PARD3: variants seen among roughly 807,000 people sequenced by gnomAD.
PARD3 encodes the protein par-3 family cell polarity regulator, also known as partitioning defective 3 homolog.
A neutral mutation model predicts 155.4 loss-of-function variants in PARD3; 75 were observed. The ratio of observed to expected loss-of-function variants is 0.48; its 90% CI spans 0.40 to 0.58. The LOEUF (loss-of-function observed/expected upper bound fraction) is 0.58. Among genes scored for constraint, PARD3 ranks in the 20% least tolerant of loss-of-function variants. The probability of loss-of-function intolerance (pLI) is 0.00; values close to 1 mark genes in which losing one functional copy is unlikely to be tolerated. For synonymous variants in PARD3, 576 were observed against 610.5 expected, an observed-to-expected ratio of 0.94 and a Z score of 0.83; for missense variants, 1,642 against 1,721.7, an observed-to-expected ratio of 0.95 and a Z score of 0.82.
intron 2 of PARD3, among the ~76,000 whole-genome samples, chr10:34,674,579 CG>C (rs1425998308): frequency 6.6e-6 from 1 of 150,750 alleles, no homozygotes; most frequent in East Asian, 2.0e-4. Context: ...CTCCGTCTCC[CG>C]GGTTCAAGCG....
chr10:34,640,945 G>C (rs1022131243), intron 2 of PARD3, among the ~76,000 whole-genome samples: 1 of 151,962 alleles, frequency 6.6e-6, no homozygotes, highest in Admixed American at 6.6e-5. Context: ...ATCAAAAAAG[G>C]GTGGAATGAG....
At chr10:34,281,115 A>AG (rs1422248455) in intron 21 of PARD3, among the ~76,000 whole-genome samples, 2 of 151,278 alleles carry the variant, frequency 1.3e-5, no homozygotes, top group Non-Finnish European at 2.9e-5. Context: ...TTTGTATGGG[A>AG]GGCTAAGTAG....
At chr10:34,370,521 C>T (rs1840477761) in intron 12 of PARD3, among the ~76,000 whole-genome samples, 1 of 152,076 alleles carries the variant, frequency 6.6e-6, no homozygotes, top group African/African-American at 2.4e-5. Flanking sequence ...CTCAAGTGAT[C>T]CTCCCAAAGT....
intron 22 of PARD3, among the ~76,000 whole-genome samples, chr10:34,145,757 A>G (rs1246253889): frequency 1.3e-5 from 2 of 152,168 alleles, no homozygotes; most frequent in African/African-American, 4.8e-5. Context: ...AAAGAAAACA[A>G]ACAAACGTTG....
At chr10:34,279,163 T>TTC (rs1210842587) in intron 21 of PARD3, among the ~76,000 whole-genome samples, 1 of 148,126 alleles carries the variant, frequency 6.8e-6, no homozygotes, top group Non-Finnish European at 1.5e-5. Flanking sequence ...TTTTTTTTTT[T>TTC]AGAGACAAGC....
intron 22 of PARD3, among the ~76,000 whole-genome samples, chr10:34,187,008 A>G (rs1039265418): frequency 1.3e-5 from 2 of 152,176 alleles, no homozygotes; most frequent in African/African-American, 4.8e-5. Context: ...AATTGATAGT[A>G]TGAACTCACA....
chr10:34,469,323 C>T (rs1004922739), intron 4 of PARD3, among the ~76,000 whole-genome samples: 9 of 152,114 alleles, frequency 5.9e-5, no homozygotes, highest in South Asian at 2.1e-4. Flanking sequence ...GTTGGCCAGG[C>T]GGGCCTTGAC....
intron 2 of PARD3, among the ~76,000 whole-genome samples, chr10:34,550,721 A>C (rs2084480303): frequency 6.6e-6 from 1 of 152,354 alleles, no homozygotes; most frequent in Non-Finnish European, 1.5e-5. Flanking sequence ...CCAACCCAGA[A>C]AAAAAGAAAT....
chr10:34,771,231 G>T (rs540015661), intron 1 of PARD3, among the ~76,000 whole-genome samples: 117 of 152,232 alleles, frequency 7.7e-4, no homozygotes, highest in Non-Finnish European at 1.2e-3. Flanking sequence ...GATGCTAAAT[G>T]TGCTGGGCAC....
At chr10:34,518,531 A>G (rs955868620) in intron 2 of PARD3, among the ~76,000 whole-genome samples, 3 of 152,376 alleles carry the variant, frequency 2.0e-5, no homozygotes, top group East Asian at 1.9e-4. Context: ...AGGGGCTCCC[A>G]ATGGACAAAG....
intron 2 of PARD3, among the ~76,000 whole-genome samples, chr10:34,543,555 G>C (rs1015090523): frequency 2.0e-5 from 3 of 152,180 alleles, no homozygotes; most frequent in Admixed American, 6.5e-5. Flanking sequence ...CAGAGAGTGT[G>C]AAGAATGGAA....
chr10:34,605,958 ATATCTCCTATATC>A lies in PARD3; in HGVS notation c.223-88812_223-88800del, dbSNP rs1488446570. Among the ~76,000 whole-genome samples, 18 of 119,702 alleles carry A rather than the reference ATATCTCCTATATC, an allele frequency of 1.5e-4. 2 individuals are homozygous for A. Among genetic ancestry groups the A allele is most frequent in the South Asian group, 5.5e-4 (2 of 3,622 alleles). The allele number at this position is 119,702 out of a possible 152,430, so 78.5% of individuals were successfully genotyped here. Reference sequence around the variant, plus strand: ...ATATATATATATCTCCTATATATATATATCTCCTATATCTATATCTCCTATATATATATATCTC... The same window carrying A: ...ATATATATATATCTCCTATATATATATATATCTCCTATATATATATATCTC... On this transcript the variant is annotated intron_variant, in intron 2 of 24. Coordinates refer to ENST00000374788, the MANE Select transcript of PARD3 (RefSeq NM_001184785.2).
intron 9 of PARD3, among the ~76,000 whole-genome samples, chr10:34,378,426 G>A (rs773470885): frequency 6.6e-6 from 1 of 152,020 alleles, no homozygotes; most frequent in African/African-American, 2.4e-5. Flanking sequence ...TTCACTACAT[G>A]AAGAAAGAAA....
chr10:34,509,474 A>G lies in PARD3; in HGVS notation c.403+7505T>C, dbSNP rs114463277. On this transcript the variant is annotated intron_variant, in intron 3 of 24. Transcript: ENST00000374788. ...GTTTAGAAGCCCAGGATAGTGTTTTATTTTCCTTTAAAATCAAAACAGAAA... is the reference window on the plus strand; with the variant it reads ...GTTTAGAAGCCCAGGATAGTGTTTTGTTTTCCTTTAAAATCAAAACAGAAA... 6.3e-3 allele frequency among the ~76,000 whole-genome samples: 965 copies of G among 152,254 alleles called. 9 individuals carry two copies. Among genetic ancestry groups the G allele is most frequent in the African/African-American group, 0.022 (919 of 41,558 alleles).
At chr10:34,801,967 C>T (rs923267843) in intron 1 of PARD3, among the ~76,000 whole-genome samples, 1 of 152,144 alleles carries the variant, frequency 6.6e-6, no homozygotes, top group East Asian at 1.9e-4. Flanking sequence ...TTAATACAGA[C>T]AGTATTTACA....
intron 2 of PARD3, among the ~76,000 whole-genome samples, chr10:34,549,661 A>G (rs1420964093): frequency 6.6e-6 from 1 of 152,172 alleles, no homozygotes; most frequent in East Asian, 1.9e-4. Flanking sequence ...ACTCAATTAC[A>G]CATTGGCTAG....
intron 1 of PARD3, among the ~76,000 whole-genome samples, chr10:34,721,021 C>G (rs772141906): frequency 6.6e-6 from 1 of 152,062 alleles, no homozygotes; most frequent in Non-Finnish European, 1.5e-5. Flanking sequence ...TTAGAGGATA[C>G]TTGGCAGAAC....
intron 2 of PARD3, among the ~76,000 whole-genome samples, chr10:34,690,055 TGCCTCA>T (rs1033037331): frequency 6.6e-5 from 10 of 152,336 alleles, no homozygotes; most frequent in Non-Finnish European, 1.2e-4. Flanking sequence ...GCAGTTCTCC[TGCCTCA>T]GCCTCCCAAG....
chr10:34,613,824 A>G (rs952278321), intron 2 of PARD3, among the ~76,000 whole-genome samples: 1 of 152,218 alleles, frequency 6.6e-6, no homozygotes, highest in Admixed American at 6.5e-5. Context: ...TGGAGAAACC[A>G]TTTTGCATCT....
Sources: gnomAD v4.1 joint callset for allele counts (sites outside exome capture counted in the v4.1 genomes callset) on GRCh38, gnomAD v4.1.1 for gene constraint, MANE v1.5 for transcripts, NCBI Gene and HGNC (gene_info 2026-07-23, HGNC 2026-07-21) for gene names.